The following DHRS4L2 variants were observed in gnomAD, a reference collection of about 807,000 sequenced individuals.
DHRS4L2 encodes the protein dehydrogenase/reductase SDR family member 4-like 2.
A neutral mutation model predicts 23.9 loss-of-function variants in DHRS4L2; 22 were observed. That is an observed-to-expected ratio of 0.92 (90% confidence interval 0.66 to 1.31). The LOEUF is 1.31. DHRS4L2 is among the 40% of genes most tolerant of loss of function. The pLI is 0.00. For synonymous variants in DHRS4L2, 141 were observed against 123.7 expected (o/e 1.14, Z -0.93); for missense variants, 385 against 303.3 (o/e 1.27, Z -2.00).
chr14:24,000,878 G>C lies in DHRS4L2; in HGVS notation c.424G>C (p.Val142Leu), dbSNP rs371326305. 1.1e-5 allele frequency: 17 copies of C among 1,610,188 alleles called. No homozygotes were observed. The highest frequency in any genetic ancestry group is 1.7e-5 in the Admixed American group (1 of 59,854). Residue 142 changes from valine to leucine, a missense_variant, in exon 4 of 8, where the codon GTG becomes CTG. Val to Leu is a conservative substitution (Grantham distance 32). Coordinates refer to ENST00000335125, the MANE Select transcript of DHRS4L2 (RefSeq NM_198083.4). ...EVWDKTLDIN[V>L]KAPALMTKAV... ...TTGGCTTCAGACTCTGGACATTAAT[G>C]TGAAGGCCCCAGCCCTGATGACAAA...
intron 3 of DHRS4L2, among the ~76,000 whole-genome samples, chr14:23,995,872 A>T (rs2034372141): frequency 6.6e-6 from 1 of 151,734 alleles, no homozygotes; most frequent in African/African-American, 2.4e-5. Flanking sequence ...TGCGTTTTAC[A>T]CTGATGTTGT....
intron 2 of DHRS4L2, among the ~76,000 whole-genome samples, chr14:23,991,737 CTT>C (rs56024121): frequency 1.8e-4 from 25 of 139,830 alleles, no homozygotes; most frequent in Admixed American, 3.5e-4. Context: ...GCCTCCATAT[CTT>C]TTTTTTTTTT....
intron 2 of DHRS4L2, among the ~76,000 whole-genome samples, chr14:23,992,918 G>A (rs2034298812): frequency 6.8e-6 from 1 of 146,562 alleles, no homozygotes; most frequent in African/African-American, 2.5e-5. Context: ...GGCCTCAAGT[G>A]GTCCTCCCCA....
intron 1 of DHRS4L2, among the ~76,000 whole-genome samples, chr14:23,970,714 A>G (rs1353856546): frequency 6.6e-6 from 1 of 152,032 alleles, no homozygotes; most frequent in Non-Finnish European, 1.5e-5. Context: ...AACACCGACC[A>G]GTAGGGGCGG....
At chr14:24,005,645 GGT>G (rs1192939689) in intron 7 of DHRS4L2, among the ~76,000 whole-genome samples, 1 of 151,792 alleles carries the variant, frequency 6.6e-6, no homozygotes, top group Non-Finnish European at 1.5e-5. Context: ...TCTAAAAACC[GGT>G]GTGTTTCTAT....
rs540289470 is a variant in DHRS4L2, at chr14:23,969,932, G to A, written c.-576G>A. The A allele has an allele frequency of 1.3e-5, 6 of 450,752 alleles. No homozygotes were observed. The Middle Eastern group carries it at 2.1e-3, about 154-fold the overall frequency. The allele number at this position is 450,752 out of a possible 1,614,324, so 27.9% of individuals were successfully genotyped here. A position where few individuals can be genotyped will look rare whatever the true frequency, so the allele number is the denominator to read the frequency against. ...GGAGCCCGCGCTCCAAGGCCCGGTGGGGGGAGGGGCGCTCACGCAACCGCC... is the reference window on the plus strand; with the variant it reads ...GGAGCCCGCGCTCCAAGGCCCGGTGAGGGGAGGGGCGCTCACGCAACCGCC... On this transcript the variant is annotated 5_prime_UTR_variant, in exon 1 of 6. Coordinates refer to the DHRS4L2 transcript ENST00000534993.
Position 24,001,475 on chromosome 14 carries a change from A to G in DHRS4L2, c.623A>G (p.Asn208Ser), listed in dbSNP as rs773256298. The change falls in exon 6 of 8, where the codon AAC becomes AGC. Residue 208 changes from asparagine to serine, a missense_variant. By Grantham distance (46) the Asn-to-Ser change is conservative. Transcript: ENST00000335125. The stretch of plus-strand genomic sequence containing the variant: ...CTGGCCCCAAGGAACATTAGGGTGA[A>G]CTGCCTGCACCTGGACTTATCAAGA... ...IELAPRNIRV[N>S]CLHLDLSRLA... The G allele has an allele frequency of 2.5e-6, 4 of 1,603,154 alleles. No individual in the cohort carries two copies. The Admixed American group carries it at 6.7e-5, about 27-fold the overall frequency.
At chr14:23,987,224 G>A (rs375336463), upstream of DHRS4L2, 84 of 365,668 alleles carry the variant, frequency 2.3e-4, 1 homozygote, top group East Asian at 1.2e-3. Context: ...TCCGCATCCC[G>A]TGTTCATGCC....
intron 1 of DHRS4L2, among the ~76,000 whole-genome samples, chr14:23,971,935 A>G (rs2033865515): frequency 6.6e-6 from 1 of 152,096 alleles, no homozygotes; most frequent in African/African-American, 2.4e-5. Context: ...AATGGGCAAA[A>G]TAACCAGCTA....
intron 1 of DHRS4L2, among the ~76,000 whole-genome samples, chr14:23,977,956 CCTCT>C (rs1470290539): frequency 6.6e-6 from 1 of 151,564 alleles, no homozygotes; most frequent in Non-Finnish European, 1.5e-5. Context: ...GCTAAACACT[CCTCT>C]CTCTCTGGAT....
rs2034213391 is a variant in DHRS4L2, at chr14:23,989,177, C to T, written c.128+102C>T. Reference sequence around the variant, plus strand: ...TGCCCCTGTCCTCAGACCTCACATACCGCCAAAGTCTGGCCATGGAAAAAA... The same window carrying T: ...TGCCCCTGTCCTCAGACCTCACATATCGCCAAAGTCTGGCCATGGAAAAAA... On this transcript the variant is annotated intron_variant, in intron 1 of 7. Transcript: ENST00000335125. The T allele has an allele frequency of 4.7e-6, 7 of 1,498,608 alleles. No individual in the cohort carries two copies. In the Admixed American group the frequency reaches 1.3e-4, roughly 27 times the overall value. 92.8% of individuals were successfully genotyped at this position (1,498,608 alleles called of 1,614,324 possible). A position where few individuals can be genotyped will look rare whatever the true frequency, so the allele number is the denominator to read the frequency against.
Position 24,001,414 on chromosome 14 carries a change from G to A in DHRS4L2, c.562G>A (p.Ala188Thr). The change falls in exon 6 of 8, where the codon GCC (alanine) becomes ACC (threonine). Residue 188 changes from alanine to threonine, a missense_variant. Physicochemically the swap from Ala to Thr is moderately conservative, Grantham distance 58. Transcript: ENST00000335125. ...CAGTCCTTACAATGTCAGTAAAACAGCCTTGCTGGGCCTCAACAATACCCT... is the reference window on the plus strand; with the variant it reads ...CAGTCCTTACAATGTCAGTAAAACAACCTTGCTGGGCCTCAACAATACCCT... ...GFSPYNVSKT[A>T]LLGLNNTLAI... 6.2e-7 allele frequency: 1 copy of A among 1,607,920 alleles called. No homozygotes were observed.
At chr14:23,974,948 C>A (rs2033938874) in intron 1 of DHRS4L2, among the ~76,000 whole-genome samples, 1 of 151,650 alleles carries the variant, frequency 6.6e-6, no homozygotes, top group Non-Finnish European at 1.5e-5. Context: ...CACAACAAAA[C>A]AAAGAAAATT....
At chr14:23,993,612 C>T (rs1312601075) in intron 2 of DHRS4L2, among the ~76,000 whole-genome samples, 1 of 151,568 alleles carries the variant, frequency 6.6e-6, no homozygotes, top group Non-Finnish European at 1.5e-5. Context: ...TCTGCTTGGC[C>T]ATTCATTACT....
upstream of DHRS4L2, among the ~76,000 whole-genome samples, chr14:23,985,453 G>A (rs539319523): frequency 6.6e-6 from 1 of 151,650 alleles, no homozygotes; most frequent in African/African-American, 2.4e-5. Context: ...TGTCAGTGAT[G>A]CATGACTCAA....
chr14:23,993,374 GA>G (rs2034307954), intron 2 of DHRS4L2, among the ~76,000 whole-genome samples: 5 of 151,662 alleles, frequency 3.3e-5, no homozygotes, highest in Admixed American at 3.3e-4. Context: ...CCACTGTCTA[GA>G]AACAACTGAG....
chr14:23,986,969 G>C (rs1285978959), upstream of DHRS4L2, among the ~76,000 whole-genome samples: 4 of 151,564 alleles, frequency 2.6e-5, no homozygotes, highest in African/African-American at 9.7e-5. Context: ...CTGGACATGG[G>C]GAAAATTATA....
At chr14:24,002,055 T>G (rs1230493153) in intron 6 of DHRS4L2, among the ~76,000 whole-genome samples, 1 of 99,156 alleles carries the variant, frequency 1.0e-5, no homozygotes, top group Non-Finnish European at 1.8e-5. Context: ...TATGTATACA[T>G]GTGCCATGCT....
rs187809637 is a variant in DHRS4L2, at chr14:23,983,766, C to G, written c.-175-6416C>G. On this transcript the variant is annotated intron_variant, in intron 1 of 5. Transcript: ENST00000534993. The stretch of plus-strand genomic sequence containing the variant: ...TGAAGCTGGAAACCATCATTCTCAG[C>G]AAACTAACACAAAAACAGAAAACCA... Among the ~76,000 whole-genome samples, 36 of 151,672 alleles carry G rather than the reference C, an allele frequency of 2.4e-4. 1 individual carries two copies. Among genetic ancestry groups the G allele is most frequent in the African/African-American group, 3.6e-4 (15 of 41,382 alleles).
Sources: allele counts gnomAD v4.1 joint callset (sites outside exome capture counted in the v4.1 genomes callset), GRCh38; gene constraint gnomAD v4.1.1; transcripts MANE v1.5; gene names NCBI Gene and HGNC (gene_info 2026-07-23, HGNC 2026-07-21).